The following KIAA1671 variants were observed in gnomAD, a reference collection of about 807,000 sequenced individuals.
KIAA1671 encodes the protein KIAA1671, also known as uncharacterized protein KIAA1671.
In KIAA1671, 52 loss-of-function variants were observed where a neutral mutation model predicts 131.2. The ratio of observed to expected loss-of-function variants is 0.40; its 90% confidence interval spans 0.32 to 0.50. The LOEUF (loss-of-function observed/expected upper bound fraction) is 0.50, where lower values mean the gene tolerates loss of function less well. Among genes scored for constraint, KIAA1671 ranks in the 20% least tolerant of loss-of-function variants. The pLI is 0.73. For missense variants in KIAA1671, 2,360 were observed against 2,364.2 expected (o/e 1.00, Z 0.04); for synonymous variants, 1,003 against 961.6 (o/e 1.04, Z -0.80).
chr22:25,185,259 A>ATGAGTAT, intron 11 of KIAA1671, 140 bp downstream of exon 11: 2 of 977,530 alleles, frequency 2.0e-6, no homozygotes, highest in Non-Finnish European at 1.5e-6. Context: ...AGCTTTGTTC[A>ATGAGTAT]TGAGAATTCT....
intron 7 of KIAA1671, 49 bp from the exon 8 acceptor site, chr22:25,174,191 C>T: frequency 6.5e-7 from 1 of 1,539,004 alleles, no homozygotes; most frequent in African/African-American, 1.4e-5. Context: ...ATCCCGTTCT[C>T]TGAAACGTTC....
intron 6 of KIAA1671, among the ~76,000 whole-genome samples, chr22:25,134,064 G>A (rs1327231207): frequency 2.0e-5 from 3 of 152,206 alleles, no homozygotes; most frequent in East Asian, 1.9e-4. Flanking sequence ...AGGTGACACC[G>A]CCTCTTTGGA....
At position 25,174,460 on chromosome 22, in the gene KIAA1671, A is replaced by G. The variant is rs762555086; in HGVS notation, c.4870A>G (p.Lys1624Glu). The G allele has an allele frequency of 5.1e-5, 78 of 1,539,700 alleles. No individual in the cohort carries two copies. The South Asian group carries it at 7.8e-4, about 15-fold the overall frequency. Residue 1624 changes from lysine (K) to glutamate (E), a missense_variant, in exon 8 of 13, where the codon AAG becomes GAG. Coordinates refer to ENST00000358431, the MANE Select transcript of KIAA1671 (RefSeq NM_001145206.2). ...GCCTCCACCGGACGCCTGCCCTGAAAAGAGAGTAGATGACTTCTCCTTCAT... is the reference window on the plus strand; with the variant it reads ...GCCTCCACCGGACGCCTGCCCTGAAGAGAGAGTAGATGACTTCTCCTTCAT... ...GPPPPDACPEKRVDDFSFIDQ... is the reference protein window; with the variant it reads ...GPPPPDACPEERVDDFSFIDQ...
At chr22:25,134,163 A>G (rs1276009583) in intron 6 of KIAA1671, among the ~76,000 whole-genome samples, 1 of 152,192 alleles carries the variant, frequency 6.6e-6, no homozygotes, top group Admixed American at 6.5e-5. Context: ...CTGTTTTTTC[A>G]GCCTGAGCCT....
At position 25,043,312 on chromosome 22, in the gene KIAA1671, G is replaced by T. The variant is rs1927049339; in HGVS notation, c.4395+1787G>T. ...AGAGGGCCCCTTCTCTTGATCTTTG[G>T]CATATACCTGAGTGTTGGGCAGAGT... is the stretch of plus-strand genomic sequence containing the variant. On this transcript the variant is annotated intron_variant, in intron 5 of 12. Coordinates refer to ENST00000358431, the MANE Select transcript of KIAA1671 (RefSeq NM_001145206.2). Among the ~76,000 whole-genome samples the T allele has an allele frequency of 2.6e-5, 4 of 152,080 alleles. No homozygotes were observed. The South Asian group carries it at 8.3e-4, about 31-fold the overall frequency.
chr22:24,992,134 T>C (rs976755505), intron 1 of KIAA1671, among the ~76,000 whole-genome samples: 2 of 152,128 alleles, frequency 1.3e-5, no homozygotes, highest in African/African-American at 4.8e-5. Context: ...TAAGAGATTG[T>C]CTCTGGGGCT....
At chr22:25,052,585 G>T (rs2145823820) in intron 6 of KIAA1671, 1 of 152,264 alleles carries the variant, frequency 6.6e-6, no homozygotes, top group African/African-American at 2.4e-5. Context: ...ATGCTCTTAA[G>T]TGTCTGCTGA....
At chr22:25,104,568 TTATC>T (rs1930893527) in intron 6 of KIAA1671, among the ~76,000 whole-genome samples, 1 of 152,174 alleles carries the variant, frequency 6.6e-6, no homozygotes, top group African/African-American at 2.4e-5. Context: ...ATACTCCTAT[TTATC>T]CTTCAAAACC....
At chr22:25,015,715 A>C (rs1925275728) in intron 1 of KIAA1671, among the ~76,000 whole-genome samples, 1 of 131,290 alleles carries the variant, frequency 7.6e-6, no homozygotes, top group Admixed American at 7.7e-5. Flanking sequence ...TATACCACAG[A>C]ATGCTTCTGT....
At chr22:25,157,362 G>A (rs183180915) in intron 6 of KIAA1671, among the ~76,000 whole-genome samples, 270 of 151,980 alleles carry the variant, frequency 1.8e-3, no homozygotes, top group African/African-American at 6.3e-3. Flanking sequence ...CGAATGGCAG[G>A]GTCTGCCACC....
At chr22:25,035,186 C>T (rs995299448) in intron 4 of KIAA1671, among the ~76,000 whole-genome samples, 17 of 151,994 alleles carry the variant, frequency 1.1e-4, no homozygotes, top group Non-Finnish European at 1.8e-4. Context: ...CTGGGGACTA[C>T]AGGCACGTGC....
chr22:25,040,001 A>G lies in KIAA1671; in HGVS notation c.2871A>G (p.Lys957=). The G allele has an allele frequency of 6.4e-7, 1 of 1,551,376 alleles. No individual in the cohort carries two copies. The highest frequency in any genetic ancestry group is 8.7e-7 in the Non-Finnish European group (1 of 1,146,784). ...GGCGGACTTTACCCCCCAACGTGAA[A>G]TTTGATACATTCAGTTCTCTTGTCC... The part of the protein sequence containing the change: ...WRRRTLPPNV[K]FDTFSSLVPE... Residue 957 remains lysine (K), a synonymous_variant, in exon 5 of 13, where the codon AAA becomes AAG. Coordinates refer to ENST00000358431, the MANE Select transcript of KIAA1671 (RefSeq NM_001145206.2).
At chr22:25,042,463 GTTTTTTTTTTTT>G (rs3063202) in intron 5 of KIAA1671, among the ~76,000 whole-genome samples, 1 of 104,892 alleles carries the variant, frequency 9.5e-6, no homozygotes, top group African/African-American at 3.8e-5. Flanking sequence ...GCAGTCCCTT[GTTTTTTTTTTTT>G]TTTTTTTTTG....
chr22:25,028,161 G>A lies in KIAA1671; in HGVS notation c.162G>A (p.Leu54=). The change falls in exon 3 of 13, where the codon CTG becomes CTA. Residue 54 remains leucine (L), a synonymous_variant. Coordinates refer to ENST00000358431, the MANE Select transcript of KIAA1671 (RefSeq NM_001145206.2). ...PARILEAKSP[L]RSPARLLPLP... is the part of the protein sequence containing the mutation. ...GGATCTTGGAAGCGAAGAGCCCCCT[G>A]CGGAGCCCGGCCCGGTTACTCCCTC... 6.4e-7 allele frequency: 1 copy of A among 1,550,612 alleles called. No individual in the cohort carries two copies. Among genetic ancestry groups the A allele is most frequent in the South Asian group, 1.2e-5 (1 of 83,976 alleles).
chr22:25,178,900 A>G (rs1934148711), intron 9 of KIAA1671, among the ~76,000 whole-genome samples: 1 of 152,142 alleles, frequency 6.6e-6, no homozygotes, highest in Non-Finnish European at 1.5e-5. Flanking sequence ...GACAGCAGGT[A>G]CTGTAGCCTC....
intron 4 of KIAA1671, among the ~76,000 whole-genome samples, chr22:25,037,489 A>T (rs1194043727): frequency 6.6e-6 from 1 of 152,074 alleles, no homozygotes; most frequent in South Asian, 2.1e-4. Context: ...GCATTCCATC[A>T]TCTACAGTAG....
intron 6 of KIAA1671, among the ~76,000 whole-genome samples, chr22:25,149,579 C>T (rs986588185): frequency 1.9e-4 from 29 of 152,134 alleles, no homozygotes; most frequent in African/African-American, 6.8e-4. Flanking sequence ...CTTGCCCCTC[C>T]CCAAGATTGG....
chr22:25,156,012 CTTTTTTT>C (rs57822676), intron 6 of KIAA1671, among the ~76,000 whole-genome samples: 3 of 35,344 alleles, frequency 8.5e-5, no homozygotes, highest in African/African-American at 2.2e-4. Flanking sequence ...TGTGTATGTG[CTTTTTTT>C]TTTTTTTTTT....
chr22:25,103,913 G>A (rs928575291), intron 6 of KIAA1671, among the ~76,000 whole-genome samples: 1 of 152,180 alleles, frequency 6.6e-6, no homozygotes, highest in Non-Finnish European at 1.5e-5. Context: ...GCAAGTAAAC[G>A]TTTCCTGGGT....
Sources: gnomAD v4.1 joint callset for allele counts (sites outside exome capture counted in the v4.1 genomes callset) on GRCh38, gnomAD v4.1.1 for gene constraint, MANE v1.5 for transcripts, NCBI Gene and HGNC (gene_info 2026-07-23, HGNC 2026-07-21) for gene names.